ZNF532: variants seen among roughly 807,000 people sequenced by gnomAD.
ZNF532 encodes the protein zinc finger protein 532.
ZNF532 carries 22 observed loss-of-function variants against 89.3 expected under a neutral mutation model. The observed-to-expected ratio is 0.25, with a 90% CI of 0.18 to 0.35. The LOEUF (loss-of-function observed/expected upper bound fraction) is 0.35, where lower values mean the gene tolerates loss of function less well. Ranked by LOEUF, ZNF532 falls within the 10% of genes least tolerant of loss-of-function variation. ZNF532 has a pLI of 1.00. For synonymous variants in ZNF532, 606 were observed against 649.6 expected (o/e 0.93, Z 1.02); for missense variants, 1,132 against 1,643.4 (o/e 0.69, Z 5.38).
chr18:58,959,270 G>GTTTTTTTT lies in ZNF532; in HGVS notation c.3150+5473_3150+5480dup, dbSNP rs1460137767. 6.3e-5 allele frequency among the ~76,000 whole-genome samples: 8 copies of GTTTTTTTT among 127,678 alleles called. 1 individual carries two copies. The highest frequency in any genetic ancestry group is 2.5e-4 in the South Asian group (1 of 3,928). 83.8% of individuals were successfully genotyped at this position (127,678 alleles called of 152,430 possible). On this transcript the variant is annotated intron_variant, in intron 7 of 9. Transcript: ENST00000591808. ...AGTTTTTTGTTTTTTGTTTTTTTTT[G>GTTTTTTTT]TTTTTTTTTGGTTTTTTTTTTTGAC...
intron 2 of ZNF532, among the ~76,000 whole-genome samples, chr18:58,884,243 G>A (rs1379651593): frequency 2.6e-5 from 4 of 152,186 alleles, no homozygotes; most frequent in East Asian, 1.9e-4. Context: ...AGCTGGGTGC[G>A]CTGGGCGCGC....
At chr18:58,916,408 A>G (rs2060604565) in intron 2 of ZNF532, among the ~76,000 whole-genome samples, 1 of 152,194 alleles carries the variant, frequency 6.6e-6, no homozygotes, top group African/African-American at 2.4e-5. Context: ...GTACGTCAGT[A>G]TCCCTTTAGA....
In ZNF532 at chr18:58,979,285, A is replaced by C. The variant is rs187206573; in HGVS notation, c.3263+118A>C. ...CCACAGTTCCTACATTACATTTCTC[A>C]ATTGTATTATTGTTTTGGCATAGAG... On this transcript the variant is annotated intron_variant, in intron 8 of 9. Transcript: ENST00000591808. The C allele has an allele frequency of 3.4e-5, 21 of 616,900 alleles. No homozygotes were observed. In the African/African-American group the frequency reaches 3.4e-4, roughly 10 times the overall value. The allele number at this position is 616,900 out of a possible 1,614,324, so 38.2% of individuals were successfully genotyped here.
At chr18:58,909,340 G>A (rs1434432563) in intron 2 of ZNF532, among the ~76,000 whole-genome samples, 3 of 152,202 alleles carry the variant, frequency 2.0e-5, no homozygotes, top group Non-Finnish European at 4.4e-5. Flanking sequence ...GAGGGAATAT[G>A]AGGGCTTTAG....
chr18:58,923,549 C>T (rs936729669), intron 3 of ZNF532, among the ~76,000 whole-genome samples: 3 of 151,984 alleles, frequency 2.0e-5, no homozygotes, highest in Non-Finnish European at 2.9e-5. Flanking sequence ...TGGGGGTTCT[C>T]GACCATTACT....
chr18:58,953,762 A>G lies in ZNF532; in HGVS notation c.3113A>G (p.Asp1038Gly). The G allele has an allele frequency of 1.2e-6, 2 of 1,614,118 alleles. No homozygotes were observed. The highest frequency in any genetic ancestry group is 1.7e-6 in the Non-Finnish European group (2 of 1,179,974). ...WECDCLFMQR[D>G]VYISHVRKEH... ...TGTGACTGCCTGTTCATGCAGAGAG[A>G]TGTGTACATATCCCACGTGAGGAAG... The change falls in exon 7 of 10, where the codon GAT (aspartate) becomes GGT (glycine). Residue 1038 changes from aspartate to glycine, a missense_variant. By Grantham distance (94) the Asp-to-Gly change is moderately conservative (BLOSUM62 -1). Around this residue, in one of 9 missense-constraint regions of ZNF532, gnomAD observed 415 missense variants for 604.8 expected, o/e 0.69. Coordinates refer to ENST00000591808, the MANE Select transcript of ZNF532 (RefSeq NM_001375912.1).
At chr18:58,888,167 A>G (rs761354767) in intron 2 of ZNF532, among the ~76,000 whole-genome samples, 36 of 152,000 alleles carry the variant, frequency 2.4e-4, no homozygotes, top group Admixed American at 6.5e-4. Flanking sequence ...TTTATTTTAT[A>G]TAGGCAGACA....
chr18:58,978,354 T>TGC (rs2067292413), intron 7 of ZNF532, among the ~76,000 whole-genome samples: 4 of 152,166 alleles, frequency 2.6e-5, no homozygotes, highest in Admixed American at 2.6e-4. Flanking sequence ...GCCAGAGATT[T>TGC]CATTTAACAT....
intron 4 of ZNF532, among the ~76,000 whole-genome samples, chr18:58,938,740 G>A (rs991411698): frequency 1.2e-4 from 19 of 152,132 alleles, no homozygotes; most frequent in Non-Finnish European, 1.3e-4. Context: ...TGGCATGCAG[G>A]TTTAGACACT....
intron 7 of ZNF532, 87 bp downstream of exon 7, chr18:58,953,886 C>T: frequency 1.3e-6 from 2 of 1,510,796 alleles, no homozygotes; most frequent in African/African-American, 1.4e-5. Context: ...CTTGGCTTGG[C>T]TCTATCAGTA....
chr18:58,893,060 C>T (rs2059010206), intron 2 of ZNF532, among the ~76,000 whole-genome samples: 2 of 150,054 alleles, frequency 1.3e-5, no homozygotes, highest in Admixed American at 6.7e-5. Context: ...CAGCTCACTG[C>T]AGCCTCACCC....
At chr18:58,968,759 C>G (rs2066175145) in intron 7 of ZNF532, among the ~76,000 whole-genome samples, 1 of 152,208 alleles carries the variant, frequency 6.6e-6, no homozygotes, top group Non-Finnish European at 1.5e-5. Flanking sequence ...TGATTTGTCT[C>G]TGTTGCATTG....
rs778004492 is a variant in ZNF532, at chr18:58,959,281, G to GT, written c.3150+5493dup. On this transcript the variant is annotated intron_variant, in intron 7 of 9. Coordinates refer to ENST00000591808, the MANE Select transcript of ZNF532 (RefSeq NM_001375912.1). ...TTTTGTTTTTTTTTGTTTTTTTTTG[G>GT]TTTTTTTTTTTGACAAGGTCTCACT... 5.8e-3 allele frequency among the ~76,000 whole-genome samples: 703 copies of GT among 120,748 alleles called. 13 individuals carry two copies. The highest frequency in any genetic ancestry group is 0.017 in the African/African-American group (518 of 30,346). 79.2% of individuals were successfully genotyped at this position (120,748 alleles called of 152,430 possible). A position where few individuals can be genotyped will look rare whatever the true frequency, so the allele number is the denominator to read the frequency against.
intron 2 of ZNF532, among the ~76,000 whole-genome samples, chr18:58,891,878 G>C (rs1229850583): frequency 6.6e-6 from 1 of 152,170 alleles, no homozygotes; most frequent in African/African-American, 2.4e-5. Flanking sequence ...TTTACCTTGA[G>C]TTGGGGGAAG....
intron 2 of ZNF532, among the ~76,000 whole-genome samples, chr18:58,892,956 A>G (rs1017963636): frequency 1.3e-5 from 2 of 151,500 alleles, no homozygotes; most frequent in African/African-American, 4.9e-5. Flanking sequence ...CAGATTATCA[A>G]CTCAGCAATT....
At chr18:58,870,041 C>T (rs1037676537) in intron 2 of ZNF532, among the ~76,000 whole-genome samples, 1 of 147,298 alleles carries the variant, frequency 6.8e-6, no homozygotes, top group Non-Finnish European at 1.5e-5. Context: ...GCTGGGATTA[C>T]AGGTGTGAGC....
intron 7 of ZNF532, among the ~76,000 whole-genome samples, chr18:58,962,381 C>A (rs1417085296): frequency 2.6e-5 from 4 of 152,160 alleles, no homozygotes; most frequent in African/African-American, 9.7e-5. Context: ...CATGGACTAA[C>A]CAAGTCTCTG....
At chr18:58,966,740 T>TTTG (rs1568442084) in intron 7 of ZNF532, among the ~76,000 whole-genome samples, 5 of 82,230 alleles carry the variant, frequency 6.1e-5, no homozygotes, top group Non-Finnish European at 4.3e-5. Flanking sequence ...TTTTTTGTGT[T>TTTG]TTTTTTTTTT....
At chr18:58,890,845 TC>T (rs1336930835) in intron 2 of ZNF532, among the ~76,000 whole-genome samples, 2 of 151,536 alleles carry the variant, frequency 1.3e-5, no homozygotes, top group African/African-American at 4.9e-5. Flanking sequence ...TTTTTTTTTT[TC>T]CTTCTTAAAC....
Sources: allele counts gnomAD v4.1 joint callset (sites outside exome capture counted in the v4.1 genomes callset), GRCh38; gene constraint gnomAD v4.1.1; regional missense constraint gnomAD v4.1.1; transcripts MANE v1.5; gene names NCBI Gene and HGNC (gene_info 2026-07-23, HGNC 2026-07-21).